SIRT2: variants seen among roughly 807,000 people sequenced by gnomAD.
The protein encoded by SIRT2 is NAD-dependent protein deacetylase sirtuin-2.
A neutral mutation model predicts 57.4 loss-of-function variants in SIRT2; 40 were observed. That is an observed-to-expected ratio of 0.70 (90% CI 0.54 to 0.91). The LOEUF is 0.91. SIRT2 is among the 40% of genes least tolerant of loss of function. The pLI is 0.00. For missense variants in SIRT2, 439 were observed against 510.4 expected, an observed-to-expected ratio of 0.86 and a Z score of 1.35; for synonymous variants, 161 against 195.7, an observed-to-expected ratio of 0.82 and a Z score of 1.48.
At chr19:38,893,121 C>CCTAGG (rs1973597619) in intron 4 of SIRT2, among the ~76,000 whole-genome samples, 1 of 148,328 alleles carries the variant, frequency 6.7e-6, no homozygotes, top group Admixed American at 6.7e-5. Flanking sequence ...GGTGGCAGCT[C>CCTAGG]CTAGGCTAGT....
At chr19:38,882,221 C>T (rs1973176820) in intron 9 of SIRT2, among the ~76,000 whole-genome samples, 1 of 152,084 alleles carries the variant, frequency 6.6e-6, no homozygotes, top group African/African-American at 2.4e-5. Context: ...CCCTATGTTG[C>T]CCAGGCTGTT....
At position 38,898,360 on chromosome 19, in the gene SIRT2, A is replaced by G; in HGVS notation, c.63+19T>C. 1 of 1,469,288 alleles carries G rather than the reference A, an allele frequency of 6.8e-7. No homozygotes were observed. Among genetic ancestry groups the G allele is most frequent in the Non-Finnish European group, 9.1e-7 (1 of 1,099,170 alleles). 91.0% of individuals were successfully genotyped at this position (1,469,288 alleles called of 1,614,324 possible). A position where few individuals can be genotyped will look rare whatever the true frequency, so the allele number is the denominator to read the frequency against. ...CAAGTCCGTCTCTCTCCTCCCCTCCACCCTTTCCCCCATCTCACCTGAGCC... is the reference window on the plus strand; with the variant it reads ...CAAGTCCGTCTCTCTCCTCCCCTCCGCCCTTTCCCCCATCTCACCTGAGCC... On this transcript the variant is annotated intron_variant, in intron 2 of 15. Coordinates refer to ENST00000249396, the MANE Select transcript of SIRT2 (RefSeq NM_012237.4).
In SIRT2 at chr19:38,880,835, G is replaced by A. The variant is rs1973126452; in HGVS notation, c.810C>T (p.Ala270=). Residue 270 remains alanine, a synonymous_variant, in exon 12 of 16, where the codon GCC becomes GCT. Transcript: ENST00000249396. This position sits in a 1 kb window ranked among gnomAD's most constrained non-coding sequence, Gnocchi z 4.1. The part of the protein sequence containing the change: ...MGTSLQVQPF[A]SLISKAPLST... The stretch of plus-strand genomic sequence containing the variant: ...CCCCAACCTACTTGCTGATGAGGGA[G>A]GCAAAGGGCTGCACCTGCAAGGAGG... 6 of 1,613,898 alleles carry A rather than the reference G, an allele frequency of 3.7e-6. No homozygotes were observed. The highest frequency in any genetic ancestry group is 1.7e-4 in the Middle Eastern group (1 of 5,922).
Position 38,879,141 on chromosome 19 carries a change from GGGA to G in SIRT2, c.*11_*13del, listed in dbSNP as rs750837387. ...CCCTGAGGAGCTCGGCATCCCGCCT[GGGA>G]GATGCAGCTGTCACTGGGGTTTCTC... On this transcript the variant is annotated 3_prime_UTR_variant, in exon 16 of 16. Coordinates refer to ENST00000249396, the MANE Select transcript of SIRT2 (RefSeq NM_012237.4). 1 of 1,557,348 alleles carries G rather than the reference GGGA, an allele frequency of 6.4e-7. No individual in the cohort carries two copies. Among genetic ancestry groups the G allele is most frequent in the African/African-American group, 1.4e-5 (1 of 71,996 alleles).
chr19:38,883,387 C>T (rs1973219308), intron 9 of SIRT2, among the ~76,000 whole-genome samples: 2 of 152,026 alleles, frequency 1.3e-5, no homozygotes, highest in Admixed American at 1.3e-4. Context: ...CTGCTCCTGG[C>T]CTACTATCAT....
intron 1 of SIRT2, 39 bp downstream of exon 1, chr19:38,899,467 C>T (rs758405350): frequency 2.5e-6 from 4 of 1,610,808 alleles, no homozygotes; most frequent in African/African-American, 1.3e-5. Flanking sequence ...AGCCAGGCCC[C>T]GGCGCGGCCC....
rs748764578 is a variant in SIRT2 at position 38,880,757 on chromosome 19, G to A, written c.825-21C>T. The A allele has an allele frequency of 1.1e-5, 18 of 1,609,660 alleles. No homozygotes were observed. Among genetic ancestry groups the A allele is most frequent in the Non-Finnish European group, 1.5e-5 (18 of 1,176,742 alleles). ...GTGCCCTGTGGGGAGGGGGAGCTAA[G>A]GGGTCAGGGTCTGTCCTGGCCCTGG... On this transcript the variant is annotated intron_variant, in intron 12 of 15. Coordinates refer to ENST00000249396, the MANE Select transcript of SIRT2 (RefSeq NM_012237.4). The surrounding 1 kb of genome is among the most constrained non-coding windows in gnomAD (Gnocchi z 4.1).
rs1454453463 is a variant in SIRT2, at chr19:38,886,147, T to C, written c.502-2391A>G. ...GGACTCCAGAAACAACGGGAAGGGT[T>C]TGTTTCCCTTCAAGGGCAGAAAGAA... On this transcript the variant is annotated intron_variant, in intron 8 of 15. Transcript: ENST00000249396. 2.6e-5 allele frequency among the ~76,000 whole-genome samples: 4 copies of C among 152,180 alleles called. No homozygotes were observed. The East Asian group carries it at 7.7e-4, about 29-fold the overall frequency.
chr19:38,893,567 C>A, intron 3 of SIRT2, 40 bp from the exon 4 acceptor site: 1 of 1,437,574 alleles, frequency 7.0e-7, no homozygotes, highest in South Asian at 1.2e-5. Context: ...GACGGGCATT[C>A]AGCCAGGGGC....
At chr19:38,887,454 C>T (rs564686922) in intron 8 of SIRT2, among the ~76,000 whole-genome samples, 11 of 152,174 alleles carry the variant, frequency 7.2e-5, no homozygotes, top group Admixed American at 7.2e-4. Flanking sequence ...TATTCTGAGC[C>T]CGGAGTCTCC....
Position 38,878,995 on chromosome 19 carries a change from GCCA to G in SIRT2, c.*157_*159del. The G allele has an allele frequency of 1.5e-6, 1 of 675,366 alleles. No homozygotes were observed. The highest frequency in any genetic ancestry group is 2.3e-5 in the South Asian group (1 of 44,364). 41.8% of individuals were successfully genotyped at this position (675,366 alleles called of 1,614,324 possible). A position where few individuals can be genotyped will look rare whatever the true frequency, so the allele number is the denominator to read the frequency against. ...TGTTAGAGATTTGCTGGGGTTGGGG[GCCA>G]GGGTTGCTGGGACCCCAGTTTTGGG... On this transcript the variant is annotated 3_prime_UTR_variant, in exon 16 of 16. Transcript: ENST00000249396.
chr19:38,893,384 A>C (rs763439127), intron 4 of SIRT2, 30 bp downstream of exon 4: 2 of 1,422,356 alleles, frequency 1.4e-6, no homozygotes, highest in South Asian at 2.3e-5. Flanking sequence ...GGAGCCAGGC[A>C]AAGTGGCCCA....
intron 8 of SIRT2, among the ~76,000 whole-genome samples, chr19:38,883,987 G>A (rs1486174747): frequency 6.6e-6 from 1 of 152,134 alleles, no homozygotes; most frequent in East Asian, 1.9e-4. Context: ...GCCAGGCTGG[G>A]CATGGCGGCT....
rs202026302 is a variant in SIRT2, at chr19:38,879,618, C to G, written c.947+14G>C. 6.4e-7 allele frequency: 1 copy of G among 1,564,008 alleles called. No homozygotes were observed. Among genetic ancestry groups the G allele is most frequent in the Non-Finnish European group, 8.7e-7 (1 of 1,153,834 alleles). The stretch of plus-strand genomic sequence containing the variant: ...GTCCCTTCCAGGCTGCCCCAACCCC[C>G]GGCGGGGCCTCACCTGTAGGCCTTC... On this transcript the variant is annotated intron_variant, in intron 14 of 15. Transcript: ENST00000249396.
At chr19:38,899,444 G>C (rs1973854841) in intron 1 of SIRT2, 62 bp downstream of exon 1, 2 of 1,599,826 alleles carry the variant, frequency 1.3e-6, no homozygotes, top group Non-Finnish European at 1.7e-6. Context: ...GGGCCCCGGG[G>C]CCTGCAGCAT....
rs200811137 is a variant in SIRT2 at position 38,879,277 on chromosome 19, C to A, written c.1048G>T (p.Ala350Ser). ...ELEDLVRREHASIDAQSGAGV... is the reference protein window; with the variant it reads ...ELEDLVRREHSSIDAQSGAGV... ...GCCCCCGACTGGGCATCTATGCTGG[C>A]GTGCTCCCTCCGGACAAGGTCCTCC... Residue 350 changes from alanine (A) to serine (S), a missense_variant, in exon 16 of 16, where the codon GCC becomes TCC. Coordinates refer to ENST00000249396, the MANE Select transcript of SIRT2 (RefSeq NM_012237.4). 4 of 1,612,884 alleles carry A rather than the reference C, an allele frequency of 2.5e-6. No homozygotes were observed. Among genetic ancestry groups the A allele is most frequent in the Admixed American group, 3.3e-5 (2 of 59,730 alleles).
chr19:38,880,984 G>T lies in SIRT2; in HGVS notation c.748-87C>A. 1 of 1,533,050 alleles carries T rather than the reference G, an allele frequency of 6.5e-7. No homozygotes were observed. The allele number at this position is 1,533,050 out of a possible 1,614,324, so 95.0% of individuals were successfully genotyped here. ...GCCCCCAGCAGCAAACCTCCCTGCCGCCCCCCATAGCTGGGGAGGTGACCT... is the reference window on the plus strand; with the variant it reads ...GCCCCCAGCAGCAAACCTCCCTGCCTCCCCCCATAGCTGGGGAGGTGACCT... On this transcript the variant is annotated intron_variant, in intron 11 of 15. Coordinates refer to ENST00000249396, the MANE Select transcript of SIRT2 (RefSeq NM_012237.4). This position sits in a 1 kb window ranked among gnomAD's most constrained non-coding sequence, Gnocchi z 4.1.
At position 38,883,865 on chromosome 19, in the gene SIRT2, A is replaced by G; in HGVS notation, c.502-109T>C. 2 of 1,182,220 alleles carry G rather than the reference A, an allele frequency of 1.7e-6. 1 individual carries two copies. The highest frequency in any genetic ancestry group is 2.7e-5 in the South Asian group (2 of 74,882). 73.2% of individuals were successfully genotyped at this position (1,182,220 alleles called of 1,614,324 possible). Reference sequence around the variant, plus strand: ...CGAGGAGCAGTGAGGTGGTGGGGACAGGTGGAGAAGGGAGGGAGGAGAAGC... The same window carrying G: ...CGAGGAGCAGTGAGGTGGTGGGGACGGGTGGAGAAGGGAGGGAGGAGAAGC... On this transcript the variant is annotated intron_variant, in intron 8 of 15. Coordinates refer to ENST00000249396, the MANE Select transcript of SIRT2 (RefSeq NM_012237.4).
intron 8 of SIRT2, among the ~76,000 whole-genome samples, chr19:38,887,940 G>A (rs967478756): frequency 2.0e-5 from 3 of 151,732 alleles, no homozygotes; most frequent in African/African-American, 7.3e-5. Context: ...ATTTTTAGTA[G>A]AGACCAGATT....
Sources: allele counts gnomAD v4.1 joint callset (sites outside exome capture counted in the v4.1 genomes callset), GRCh38; gene constraint gnomAD v4.1.1; non-coding constraint Gnocchi (gnomAD v3.1); transcripts MANE v1.5; gene names NCBI Gene and HGNC (gene_info 2026-07-23, HGNC 2026-07-21).